The following GRIK4 variants were observed in gnomAD, a reference collection of about 807,000 sequenced individuals.
GRIK4 encodes the protein glutamate ionotropic receptor kainate type subunit 4.
In GRIK4, 40 loss-of-function variants were observed where a neutral mutation model predicts 104.9. The ratio of observed to expected loss-of-function variants is 0.38; its 90% CI spans 0.30 to 0.50. The LOEUF is 0.50. GRIK4 is among the 20% of genes least tolerant of loss of function. The probability of loss-of-function intolerance (pLI) is 0.93; values close to 1 mark genes in which losing one functional copy is unlikely to be tolerated. For synonymous variants in GRIK4, 485 were observed against 524.9 expected (o/e 0.92, Z 1.04); for missense variants, 1,047 against 1,308.1 (o/e 0.80, Z 3.08).
At chr11:120,751,014 G>A (rs1416960953) in intron 3 of GRIK4, among the ~76,000 whole-genome samples, 2 of 152,156 alleles carry the variant, frequency 1.3e-5, no homozygotes, top group Admixed American at 6.5e-5. Flanking sequence ...AGTTAATTGC[G>A]GAGGGTTCCT....
chr11:120,954,836 A>G (rs998550296), intron 15 of GRIK4, among the ~76,000 whole-genome samples: 2 of 124,862 alleles, frequency 1.6e-5, no homozygotes, highest in South Asian at 2.6e-4. Context: ...CACACAAACA[A>G]TACTGGAGTC....
At chr11:120,592,181 T>A (rs144090221) in intron 1 of GRIK4, among the ~76,000 whole-genome samples, 1 of 152,190 alleles carries the variant, frequency 6.6e-6, no homozygotes, top group African/African-American at 2.4e-5. Context: ...ATTAAGTACT[T>A]GACAGAGAGG....
At chr11:120,671,235 G>T (rs1950012214) in intron 3 of GRIK4, among the ~76,000 whole-genome samples, 1 of 152,104 alleles carries the variant, frequency 6.6e-6, no homozygotes, top group South Asian at 2.1e-4. Flanking sequence ...GGATTACTGG[G>T]TCAAAAGGTA....
intron 11 of GRIK4, among the ~76,000 whole-genome samples, chr11:120,880,472 A>G (rs1400124342): frequency 6.6e-6 from 1 of 152,238 alleles, no homozygotes; most frequent in African/African-American, 2.4e-5. Flanking sequence ...GCCAGATTGA[A>G]GAACTGGGTC....
intron 3 of GRIK4, among the ~76,000 whole-genome samples, chr11:120,670,746 T>G (rs1234172925): frequency 1.3e-5 from 2 of 152,224 alleles, no homozygotes; most frequent in Non-Finnish European, 2.9e-5. Context: ...GGGATACATG[T>G]GCAGAATGTG....
chr11:120,602,669 G>A (rs1200967606), intron 1 of GRIK4, among the ~76,000 whole-genome samples: 4 of 152,152 alleles, frequency 2.6e-5, no homozygotes, highest in Admixed American at 6.5e-5. Context: ...TATCTGTCTC[G>A]CCTTAGTTTT....
chr11:120,638,639 G>A lies in GRIK4; in HGVS notation c.-158-15046G>A, dbSNP rs538880309. ...ACTACAGGCACCTGCCACCATGCCCGGCTAATTTTTTGTATTTTTAGTGGA... is the reference window on the plus strand; with the variant it reads ...ACTACAGGCACCTGCCACCATGCCCAGCTAATTTTTTGTATTTTTAGTGGA... On this transcript the variant is annotated intron_variant, in intron 1 of 20. Coordinates refer to ENST00000527524, the MANE Select transcript of GRIK4 (RefSeq NM_014619.5). Among the ~76,000 whole-genome samples the A allele has an allele frequency of 4.0e-5, 6 of 151,838 alleles. No homozygotes were observed. The East Asian group carries it at 5.9e-4, about 15-fold the overall frequency.
chr11:120,663,818 G>A (rs998123934), intron 3 of GRIK4, among the ~76,000 whole-genome samples: 6 of 151,634 alleles, frequency 4.0e-5, no homozygotes, highest in East Asian at 1.9e-4. Flanking sequence ...CTTTTTCTTC[G>A]TCTTCCTCCT....
intron 14 of GRIK4, among the ~76,000 whole-genome samples, chr11:120,948,024 G>C (rs747999130): frequency 6.6e-6 from 1 of 152,196 alleles, no homozygotes; most frequent in Non-Finnish European, 1.5e-5. Flanking sequence ...TCCTCTTGGA[G>C]TCAGAGGTGG....
Position 120,921,000 on chromosome 11 carries a change from G to A in GRIK4, c.1476+15507G>A, listed in dbSNP as rs141639194. On this transcript the variant is annotated intron_variant, in intron 13 of 20. Coordinates refer to ENST00000527524, the MANE Select transcript of GRIK4 (RefSeq NM_014619.5). ...TCCAGCATGTGGCCTTCACATTTGCGCCTTCTTCTTTCAAAAACCTGTCTC... is the reference window on the plus strand; with the variant it reads ...TCCAGCATGTGGCCTTCACATTTGCACCTTCTTCTTTCAAAAACCTGTCTC... Among the ~76,000 whole-genome samples, 386 of 152,140 alleles carry A rather than the reference G, an allele frequency of 2.5e-3. 2 individuals are homozygous for A. Among genetic ancestry groups the A allele is most frequent in the African/African-American group, 8.5e-3 (353 of 41,486 alleles).
intron 1 of GRIK4, among the ~76,000 whole-genome samples, chr11:120,643,342 C>T (rs553278450): frequency 5.2e-4 from 79 of 152,286 alleles, no homozygotes; most frequent in African/African-American, 1.6e-3. Context: ...TTTGGAGGAA[C>T]GTGTTCTAGG....
chr11:120,663,988 G>A (rs1949862706), intron 3 of GRIK4, among the ~76,000 whole-genome samples: 1 of 152,178 alleles, frequency 6.6e-6, no homozygotes, highest in Non-Finnish European at 1.5e-5. Flanking sequence ...AAAGATTATG[G>A]CATTTTCCCA....
intron 3 of GRIK4, among the ~76,000 whole-genome samples, chr11:120,727,242 C>T (rs1396433578): frequency 1.3e-5 from 2 of 152,152 alleles, no homozygotes; most frequent in African/African-American, 2.4e-5. Flanking sequence ...CCTCTCAGGG[C>T]TTCCTTCCAG....
intron 1 of GRIK4, among the ~76,000 whole-genome samples, chr11:120,565,443 G>T (rs1948309550): frequency 6.6e-6 from 1 of 152,236 alleles, no homozygotes; most frequent in Non-Finnish European, 1.5e-5. Flanking sequence ...CTTTGTATTA[G>T]TGTGGCAAAT....
chr11:120,607,384 C>T (rs1373182592), intron 1 of GRIK4, among the ~76,000 whole-genome samples: 3 of 152,036 alleles, frequency 2.0e-5, no homozygotes, highest in East Asian at 1.9e-4. Context: ...TGCAGGAGGC[C>T]GGGAGAAGGC....
In GRIK4 at chr11:120,903,299, C is replaced by T. The variant is rs1373949810; in HGVS notation, c.1273-1991C>T. On this transcript the variant is annotated intron_variant, in intron 12 of 20. Coordinates refer to ENST00000527524, the MANE Select transcript of GRIK4 (RefSeq NM_014619.5). The surrounding 1 kb of genome is among the most constrained non-coding windows in gnomAD (Gnocchi z 4.4). ...CTCTGTCCCTGTCGCATCCCCTGAG[C>T]GGCTCTGCTGAAAATCTTCCCACAC... 6.6e-6 allele frequency among the ~76,000 whole-genome samples: 1 copy of T among 152,234 alleles called. No homozygotes were observed. The highest frequency in any genetic ancestry group is 1.5e-5 in the Non-Finnish European group (1 of 68,010).
chr11:120,704,235 A>G (rs898500111), intron 3 of GRIK4, among the ~76,000 whole-genome samples: 5 of 152,208 alleles, frequency 3.3e-5, no homozygotes, highest in Non-Finnish European at 7.3e-5. Context: ...GATGATATAT[A>G]TGCGGTTTAT....
At chr11:120,856,824 G>A (rs1053693857) in intron 8 of GRIK4, among the ~76,000 whole-genome samples, 1 of 152,148 alleles carries the variant, frequency 6.6e-6, no homozygotes, top group South Asian at 2.1e-4. Flanking sequence ...AAAAGTTCTT[G>A]TGCTTTTAGC....
At chr11:120,960,850 G>A (rs756108109) in intron 16 of GRIK4, 59 bp from the exon 17 acceptor site, 3 of 1,400,714 alleles carry the variant, frequency 2.1e-6, no homozygotes, top group Non-Finnish European at 3.0e-6. Context: ...CTGGGGTCAG[G>A]GGCCAAGACT....
Sources: allele counts gnomAD v4.1 joint callset (sites outside exome capture counted in the v4.1 genomes callset), GRCh38; gene constraint gnomAD v4.1.1; non-coding constraint Gnocchi (gnomAD v3.1); transcripts MANE v1.5; gene names NCBI Gene and HGNC (gene_info 2026-07-23, HGNC 2026-07-21).